Variants in ADGRL2 observed in about 807,000 individuals in gnomAD.
The protein encoded by ADGRL2 is calcium-independent alpha-latrotoxin receptor 2.
In ADGRL2, 44 loss-of-function variants were observed where a neutral mutation model predicts 157.4. That is an observed-to-expected ratio of 0.28 (90% CI 0.22 to 0.36). ADGRL2 has a LOEUF of 0.36. Ranked by LOEUF, ADGRL2 falls within the 10% of genes least tolerant of loss-of-function variation. ADGRL2 has a pLI of 1.00. For synonymous variants in ADGRL2, 585 were observed against 624.7 expected, an observed-to-expected ratio of 0.94 and a Z score of 0.95; for missense variants, 1,510 against 1,768.9, an observed-to-expected ratio of 0.85 and a Z score of 2.63.
intron 1 of ADGRL2, among the ~76,000 whole-genome samples, chr1:81,753,501 T>C (rs549404529): frequency 2.1e-4 from 32 of 152,182 alleles, no homozygotes; most frequent in South Asian, 1.2e-3. Context: ...GTAACAAACA[T>C]AGGTAAAATG....
intron 1 of ADGRL2, among the ~76,000 whole-genome samples, chr1:81,396,438 C>T (rs2076656436): frequency 6.6e-6 from 1 of 152,104 alleles, no homozygotes; most frequent in Admixed American, 6.6e-5. Context: ...ACCATGTTCC[C>T]GCAAACAAGG....
At chr1:81,913,986 A>G (rs550015532) in intron 3 of ADGRL2, among the ~76,000 whole-genome samples, 13 of 151,924 alleles carry the variant, frequency 8.6e-5, no homozygotes, top group Admixed American at 2.6e-4. Context: ...GAGATACTTA[A>G]TGCACACATA....
rs1218999546 is a variant in ADGRL2 at position 81,943,919 on chromosome 1, GTTCGTT to G, written c.1210+154_1210+159del. On this transcript the variant is annotated intron_variant, in intron 6 of 23. Transcript: ENST00000686636. This position sits in a 1 kb window ranked among gnomAD's most constrained non-coding sequence, Gnocchi z 5.6. Reference sequence around the variant, plus strand: ...TGTGGTACATTTTAGCCTTATTATGGTTCGTTTTCTTTTTCTCAATTTCTTCATTTT... The same window carrying G: ...TGTGGTACATTTTAGCCTTATTATGGTTCTTTTTCTCAATTTCTTCATTTT... The G allele has an allele frequency of 3.2e-6, 2 of 618,276 alleles. No individual in the cohort carries two copies. Among genetic ancestry groups the G allele is most frequent in the Admixed American group, 3.2e-5 (1 of 31,082 alleles). The allele number at this position is 618,276 out of a possible 1,614,324, so 38.3% of individuals were successfully genotyped here.
At position 81,955,984 on chromosome 1, in the gene ADGRL2, A is replaced by C. The variant is rs543096656; in HGVS notation, c.1941A>C (p.Thr647=). 1.2e-6 allele frequency: 2 copies of C among 1,611,710 alleles called. No homozygotes were observed. The highest frequency in any genetic ancestry group is 2.2e-5 in the South Asian group (2 of 90,600). ...ATACTGCAACAATGTTACTCGATACATTGGAAGAAGGAGCTTTTGTCCTAG... is the reference window on the plus strand; with the variant it reads ...ATACTGCAACAATGTTACTCGATACCTTGGAAGAAGGAGCTTTTGTCCTAG... ...QAHTATMLLD[T]LEEGAFVLAD... is the part of the protein sequence containing the mutation. Residue 647 remains threonine (T), a synonymous_variant, in exon 11 of 24, where the codon ACA becomes ACC. Coordinates refer to ENST00000686636, the MANE Select transcript of ADGRL2 (RefSeq NM_001366006.2).
intron 3 of ADGRL2, among the ~76,000 whole-genome samples, chr1:81,632,224 T>TCG (rs2082023001): frequency 6.6e-6 from 1 of 152,180 alleles, no homozygotes; most frequent in Non-Finnish European, 1.5e-5. Context: ...AACACATATT[T>TCG]AGACTGAGCT....
intron 1 of ADGRL2, among the ~76,000 whole-genome samples, chr1:81,744,570 A>G (rs920476733): frequency 1.3e-5 from 2 of 152,188 alleles, no homozygotes; most frequent in Admixed American, 1.3e-4. Flanking sequence ...ATAGTATTTA[A>G]GTACTTCTTT....
At chr1:81,935,789 T>C (rs2095302270) in intron 3 of ADGRL2, among the ~76,000 whole-genome samples, 1 of 144,230 alleles carries the variant, frequency 6.9e-6, no homozygotes, top group African/African-American at 2.5e-5. Context: ...GTTCTTGCCT[T>C]TACAAAAGTT....
At chr1:81,397,405 C>T (rs1445795519) in intron 1 of ADGRL2, among the ~76,000 whole-genome samples, 14 of 145,342 alleles carry the variant, frequency 9.6e-5, no homozygotes, top group Non-Finnish European at 1.3e-4. Context: ...ACTGCAACTC[C>T]GCCTCCCGGG....
chr1:81,985,236 G>C (rs1276545740), intron 20 of ADGRL2, 23 bp from the exon 21 acceptor site: 2 of 1,342,204 alleles, frequency 1.5e-6, no homozygotes, highest in Non-Finnish European at 1.1e-6. Context: ...AAACATATTT[G>C]TCTTGCTGTT....
rs555013890 is a variant in ADGRL2 at position 81,670,585 on chromosome 1, A to G, written c.-143+89605A>G. 3.9e-5 allele frequency among the ~76,000 whole-genome samples: 6 copies of G among 152,340 alleles called. No homozygotes were observed. In the South Asian group the frequency reaches 1.2e-3, roughly 32 times the overall value. The stretch of plus-strand genomic sequence containing the variant: ...AGGAAGAGAAAATAGGTGAAAAGGA[A>G]GGACACGGCATCTGGACCAGCACCC... On this transcript the variant is annotated intron_variant, in intron 3 of 24. Transcript: ENST00000370721.
intron 2 of ADGRL2, among the ~76,000 whole-genome samples, chr1:81,446,835 T>A (rs1243547181): frequency 1.3e-5 from 2 of 152,186 alleles, no homozygotes; most frequent in Non-Finnish European, 2.9e-5. Context: ...TATTTTGACA[T>A]AAGTGGAGAT....
chr1:81,545,714 A>G (rs377062219), intron 2 of ADGRL2, among the ~76,000 whole-genome samples: 1 of 152,172 alleles, frequency 6.6e-6, no homozygotes, highest in South Asian at 2.1e-4. Flanking sequence ...CAAGATTAGG[A>G]AGATTAAGTA....
intron 23 of ADGRL2, chr1:81,989,835 C>G: frequency 7.2e-7 from 1 of 1,397,184 alleles, no homozygotes; most frequent in Non-Finnish European, 9.3e-7. Flanking sequence ...TGTTTTCATT[C>G]TTTTTTTTAC....
intron 2 of ADGRL2, among the ~76,000 whole-genome samples, chr1:81,466,698 C>T (rs1420387251): frequency 6.6e-6 from 1 of 151,996 alleles, no homozygotes; most frequent in African/African-American, 2.4e-5. Flanking sequence ...CACACATACA[C>T]ACTATGTCTT....
intron 2 of ADGRL2, among the ~76,000 whole-genome samples, chr1:81,769,747 A>G (rs985308482): frequency 6.6e-6 from 1 of 152,164 alleles, no homozygotes; most frequent in Non-Finnish European, 1.5e-5. Context: ...GTTAGTATGT[A>G]CAGATCAATC....
intron 1 of ADGRL2, among the ~76,000 whole-genome samples, chr1:81,330,341 A>G (rs1339076456): frequency 3.3e-5 from 5 of 152,164 alleles, no homozygotes; most frequent in Non-Finnish European, 7.4e-5. Flanking sequence ...TGCCTGGCCC[A>G]TGACATCTGC....
intron 1 of ADGRL2, among the ~76,000 whole-genome samples, chr1:81,416,054 G>A (rs180837685): frequency 6.6e-6 from 1 of 152,054 alleles, no homozygotes; most frequent in East Asian, 1.9e-4. Flanking sequence ...GTTTCACCAT[G>A]TTAGCCAGGA....
At chr1:81,838,456 A>G (rs1292409271) in intron 2 of ADGRL2, among the ~76,000 whole-genome samples, 1 of 152,080 alleles carries the variant, frequency 6.6e-6, no homozygotes, top group Admixed American at 6.6e-5. Context: ...ATCTAACATC[A>G]TATGTAATCT....
chr1:81,788,540 A>T (rs947181859), intron 2 of ADGRL2, among the ~76,000 whole-genome samples: 2 of 152,152 alleles, frequency 1.3e-5, no homozygotes, highest in Non-Finnish European at 2.9e-5. Context: ...AGCCAAATAA[A>T]CTTCTTTTCC....
Sources: allele counts gnomAD v4.1 joint callset (sites outside exome capture counted in the v4.1 genomes callset), GRCh38; gene constraint gnomAD v4.1.1; non-coding constraint Gnocchi (gnomAD v3.1); transcripts MANE v1.5; gene names NCBI Gene and HGNC (gene_info 2026-07-23, HGNC 2026-07-21).